Variants in TANC1 observed in about 807,000 individuals in gnomAD.
TANC1 encodes the protein tetratricopeptide repeat, ankyrin repeat and coiled-coil containing 1, also known as protein TANC1.
A neutral mutation model predicts 149.7 loss-of-function variants in TANC1; 77 were observed. The observed-to-expected ratio is 0.51, with a 90% confidence interval of 0.43 to 0.62. The LOEUF (loss-of-function observed/expected upper bound fraction) is 0.62, where lower values mean the gene tolerates loss of function less well. TANC1 is among the 20% of genes least tolerant of loss of function. The pLI, the probability that TANC1 is intolerant of heterozygous loss-of-function variation, is 0.00. For missense variants in TANC1, 1,985 were observed against 2,321.8 expected (o/e 0.85, Z 2.98); for synonymous variants, 854 against 925.0 (o/e 0.92, Z 1.39).
chr2:159,096,608 C>T (rs1322050959), intron 3 of TANC1, among the ~76,000 whole-genome samples: 1 of 152,126 alleles, frequency 6.6e-6, no homozygotes, highest in African/African-American at 2.4e-5. Flanking sequence ...TGTGTTGTTC[C>T]CCTATTGGCT....
chr2:159,157,600 A>G (rs2053573835), intron 7 of TANC1, among the ~76,000 whole-genome samples: 2 of 151,988 alleles, frequency 1.3e-5, no homozygotes, highest in African/African-American at 4.8e-5. Context: ...CAGCAGTGAA[A>G]CCTAATTTGG....
rs148849091 is a variant in TANC1 at position 159,076,586 on chromosome 2, A to G, written c.61+10615A>G. Among the ~76,000 whole-genome samples the G allele has an allele frequency of 1.2e-4, 18 of 152,360 alleles. No homozygotes were observed. The East Asian group carries it at 2.5e-3, about 21-fold the overall frequency. ...AGCAACATTTCCTTAATAAATTGCT[A>G]TAATCATAAGTGCAAACTTCTATCC... On this transcript the variant is annotated intron_variant, in intron 3 of 26. Coordinates refer to ENST00000263635, the MANE Select transcript of TANC1 (RefSeq NM_033394.3).
At chr2:159,222,183 T>C (rs1008990035) in intron 22 of TANC1, among the ~76,000 whole-genome samples, 2 of 152,258 alleles carry the variant, frequency 1.3e-5, no homozygotes, top group African/African-American at 4.8e-5. Flanking sequence ...TCCCACATTG[T>C]GTAGTTTATC....
At chr2:159,218,628 G>C (rs753343315) in intron 20 of TANC1, among the ~76,000 whole-genome samples, 12 of 152,186 alleles carry the variant, frequency 7.9e-5, no homozygotes, top group Non-Finnish European at 1.3e-4. Flanking sequence ...GGATACCCCT[G>C]TCTGGTTTTC....
At chr2:159,025,275 T>G (rs1471524691) in intron 2 of TANC1, among the ~76,000 whole-genome samples, 1 of 148,722 alleles carries the variant, frequency 6.7e-6, no homozygotes, top group Non-Finnish European at 1.5e-5. Context: ...TTTTTCCTTT[T>G]CTTTTCTTTT....
At chr2:159,228,928 C>CT (rs1482225070) in intron 26 of TANC1, 32 bp downstream of exon 26, 3 of 1,568,098 alleles carry the variant, frequency 1.9e-6, no homozygotes, top group African/African-American at 1.4e-5. Flanking sequence ...GTGTCTAGAG[C>CT]TTTTTTTCTT....
chr2:159,121,046 A>G (rs1233816996), intron 4 of TANC1, among the ~76,000 whole-genome samples: 1 of 152,204 alleles, frequency 6.6e-6, no homozygotes. Flanking sequence ...GTCTTTGGGA[A>G]CCATTATCAG....
intron 2 of TANC1, among the ~76,000 whole-genome samples, chr2:159,038,896 A>T (rs1439213679): frequency 2.6e-5 from 4 of 151,726 alleles, no homozygotes; most frequent in Admixed American, 2.6e-4. Flanking sequence ...CTCTTTTTCT[A>T]TTGATTGGAA....
chr2:159,136,242 A>T lies in TANC1; in HGVS notation c.308A>T (p.Asp103Val), dbSNP rs777768451. The T allele has an allele frequency of 2.5e-6, 4 of 1,613,634 alleles. No individual in the cohort carries two copies. Among genetic ancestry groups the T allele is most frequent in the Non-Finnish European group, 3.4e-6 (4 of 1,179,678 alleles). Reference sequence around the variant, plus strand: ...GTGGAAAGCCCCAGAGTGCCTGGAGATGCAGTTATAATGCCATTCAGAGAA... The same window carrying T: ...GTGGAAAGCCCCAGAGTGCCTGGAGTTGCAGTTATAATGCCATTCAGAGAA... ...KYVESPRVPGDAVIMPFREVA... is the reference protein window; with the variant it reads ...KYVESPRVPGVAVIMPFREVA... Residue 103 changes from aspartate (D) to valine (V), a missense_variant, in exon 5 of 27, where the codon GAT becomes GTT. Around this residue, in one of 3 missense-constraint regions of TANC1, gnomAD observed 557 missense variants for 612.9 expected, o/e 0.91. Transcript: ENST00000263635.
intron 4 of TANC1, among the ~76,000 whole-genome samples, chr2:159,119,209 A>C (rs1190349386): frequency 6.6e-6 from 1 of 152,312 alleles, no homozygotes; most frequent in Non-Finnish European, 1.5e-5. Context: ...GTTTGAGCCT[A>C]TGTAGGAAGT....
chr2:159,076,152 T>C (rs1336699143), intron 3 of TANC1, among the ~76,000 whole-genome samples: 1 of 152,192 alleles, frequency 6.6e-6, no homozygotes, highest in African/African-American at 2.4e-5. Context: ...CTGTTGGGAT[T>C]GTGAGGGGCT....
chr2:159,004,329 G>A (rs1392175547), intron 2 of TANC1: 9 of 1,611,456 alleles, frequency 5.6e-6, no homozygotes, highest in Non-Finnish European at 6.8e-6. Flanking sequence ...CTAAAAGTTT[G>A]GTTTTTGGAA....
chr2:159,007,715 A>C (rs2037354619), intron 2 of TANC1, among the ~76,000 whole-genome samples: 1 of 152,172 alleles, frequency 6.6e-6, no homozygotes, highest in Non-Finnish European at 1.5e-5. Context: ...TGTATTCCTG[A>C]ACGGAATGGT....
chr2:159,056,265 G>T, intron 2 of TANC1: 1 of 228,546 alleles, frequency 4.4e-6, no homozygotes. Flanking sequence ...TGTTCAGGTA[G>T]CTGTTCCAAG....
chr2:159,027,208 A>G lies in TANC1; in HGVS notation c.-16+26019A>G, dbSNP rs563288059. 7.9e-5 allele frequency: 12 copies of G among 152,186 alleles called. No homozygotes were observed. The East Asian group carries it at 2.3e-3, about 29-fold the overall frequency. 9.4% of individuals were successfully genotyped at this position (152,186 alleles called of 1,614,324 possible). A position where few individuals can be genotyped will look rare whatever the true frequency, so the allele number is the denominator to read the frequency against. On this transcript the variant is annotated intron_variant, in intron 2 of 26. Coordinates refer to ENST00000263635, the MANE Select transcript of TANC1 (RefSeq NM_033394.3). ...GTCTTCCCATTCTGTTTTCCTTTTA[A>G]TTATACATTTTGTCTTTAAGTCATT... is the stretch of plus-strand genomic sequence containing the variant.
At chr2:158,996,923 G>C (rs1160407881) in intron 1 of TANC1, among the ~76,000 whole-genome samples, 1 of 151,430 alleles carries the variant, frequency 6.6e-6, no homozygotes, top group African/African-American at 2.4e-5. Context: ...ACCAGCAGCT[G>C]TTCATACCTC....
chr2:159,068,448 G>C (rs915699803), intron 3 of TANC1, among the ~76,000 whole-genome samples: 4 of 152,282 alleles, frequency 2.6e-5, no homozygotes, highest in Admixed American at 2.0e-4. Context: ...AAAAACTTGA[G>C]TTCAGCTTTT....
At chr2:159,228,940 T>C in intron 26 of TANC1, 44 bp downstream of exon 26, 1 of 1,516,468 alleles carries the variant, frequency 6.6e-7, no homozygotes, top group African/African-American at 1.4e-5. Context: ...TTTTTTCTTG[T>C]GGGATCAAAC....
chr2:159,063,520 AC>A (rs1165229860), intron 2 of TANC1, among the ~76,000 whole-genome samples: 4 of 152,098 alleles, frequency 2.6e-5, no homozygotes, highest in African/African-American at 7.2e-5. Flanking sequence ...GGGAAGACTT[AC>A]TTTTTTCCTT....
Sources: gnomAD v4.1 joint callset for allele counts (sites outside exome capture counted in the v4.1 genomes callset) on GRCh38, gnomAD v4.1.1 for gene constraint, gnomAD v4.1.1 regional missense constraint, MANE v1.5 for transcripts, NCBI Gene and HGNC (gene_info 2026-07-23, HGNC 2026-07-21) for gene names.